Variants in AFDN observed in about 807,000 individuals in gnomAD.
AFDN encodes afadin.
A neutral mutation model predicts 216.6 loss-of-function variants in AFDN; 68 were observed. The ratio of observed to expected loss-of-function variants is 0.31; its 90% CI spans 0.26 to 0.38. AFDN has a LOEUF of 0.38. AFDN is among the 10% of genes least tolerant of loss of function. The pLI is 1.00. For synonymous variants in AFDN, 868 were observed against 853.7 expected, an observed-to-expected ratio of 1.02 and a Z score of -0.29; for missense variants, 2,136 against 2,342.0, an observed-to-expected ratio of 0.91 and a Z score of 1.82.
intron 4 of AFDN, among the ~76,000 whole-genome samples, chr6:167,874,389 G>A (rs1785113159): frequency 6.6e-6 from 1 of 152,008 alleles, no homozygotes; most frequent in Non-Finnish European, 1.5e-5. Context: ...ATGAAAAATT[G>A]TGTCTTTAAA....
intron 7 of AFDN, 72 bp from the exon 8 acceptor site, chr6:167,890,790 G>C (rs760488961): frequency 9.5e-6 from 14 of 1,468,976 alleles, no homozygotes; most frequent in Non-Finnish European, 1.3e-5. Flanking sequence ...GTTTTGCACA[G>C]TTGACTGCCA....
At chr6:167,960,300 A>G (rs966330255) in intron 30 of AFDN, among the ~76,000 whole-genome samples, 1 of 152,246 alleles carries the variant, frequency 6.6e-6, no homozygotes, top group South Asian at 2.1e-4. Flanking sequence ...GATGAGCTGA[A>G]CACAAGTGGA....
In AFDN at chr6:167,970,232, G is replaced by A. The variant is rs1797931799; in HGVS notation, c.*297G>A. ...TGGAGTCCTGAGTTCAAAGGGGACA[G>A]AACTAAGGGCAGGAGAAGAGAATGG... On this transcript the variant is annotated 3_prime_UTR_variant, in exon 34 of 34. Coordinates refer to ENST00000683244, the MANE Select transcript of AFDN (RefSeq NM_001386888.1). The A allele has an allele frequency of 2.9e-6, 1 of 339,738 alleles. No individual in the cohort carries two copies. Among genetic ancestry groups the A allele is most frequent in the Non-Finnish European group, 5.3e-6 (1 of 188,858 alleles). The allele number at this position is 339,738 out of a possible 1,614,324, so 21.0% of individuals were successfully genotyped here.
intron 1 of AFDN, among the ~76,000 whole-genome samples, chr6:167,858,005 G>A (rs945226332): frequency 1.3e-5 from 2 of 152,104 alleles, no homozygotes; most frequent in Non-Finnish European, 2.9e-5. Context: ...TTGTCATGAG[G>A]GTTTAAAATG....
chr6:167,842,511 C>T (rs1781185462), intron 1 of AFDN, among the ~76,000 whole-genome samples: 1 of 150,726 alleles, frequency 6.6e-6, no homozygotes, highest in Admixed American at 6.6e-5. Context: ...ACTGTGTATG[C>T]TTATTTAGAT....
chr6:167,870,523 C>T lies in AFDN; in HGVS notation c.414+25C>T, dbSNP rs113301512. 0.011 allele frequency: 15,901 copies of T among 1,472,910 alleles called. 1,386 individuals carry two copies. The African/African-American group carries it at 0.19, about 18-fold the overall frequency. The allele number at this position is 1,472,910 out of a possible 1,614,324, so 91.2% of individuals were successfully genotyped here. On this transcript the variant is annotated intron_variant, in intron 3 of 33. Coordinates refer to ENST00000683244, the MANE Select transcript of AFDN (RefSeq NM_001386888.1). Reference sequence around the variant, plus strand: ...GGTAGGAACCCTCAGTATTTTATGACGGTCTTGGTCCAGGGCCAGGTCTGA... The same window carrying T: ...GGTAGGAACCCTCAGTATTTTATGATGGTCTTGGTCCAGGGCCAGGTCTGA...
At chr6:167,914,546 A>G (rs1012690460) in intron 17 of AFDN, 98 bp from the exon 18 acceptor site, 21 of 974,346 alleles carry the variant, frequency 2.2e-5, no homozygotes, top group Non-Finnish European at 3.0e-5. Context: ...TTAATGGAAA[A>G]TATTTTTTAA....
At chr6:167,883,148 A>G (rs1334597616) in intron 6 of AFDN, among the ~76,000 whole-genome samples, 3 of 152,194 alleles carry the variant, frequency 2.0e-5, no homozygotes, top group Non-Finnish European at 2.9e-5. Context: ...AATAGAATCT[A>G]TCAAGAGAAG....
rs75661745 is a variant in AFDN at position 167,901,366 on chromosome 6, C to T, written c.1581-951C>T. 2.0e-3 allele frequency among the ~76,000 whole-genome samples: 309 copies of T among 152,228 alleles called. 7 individuals carry two copies. The East Asian group carries it at 0.048, about 24-fold the overall frequency. On this transcript the variant is annotated intron_variant, in intron 11 of 33. Transcript: ENST00000683244. ...CTGGGACCAGTGAGTTGCATTCACC[C>T]TTCATTTGTGCTGAAGAATGTAGTC...
At chr6:167,869,988 T>TC (rs202121067) in intron 2 of AFDN, among the ~76,000 whole-genome samples, 3,016 of 152,270 alleles carry the variant, frequency 0.02, 54 homozygotes, top group Non-Finnish European at 0.033. Flanking sequence ...ATGAGAACAA[T>TC]CTCATAGAAT....
At chr6:167,953,068 TATTA>T (rs1796168841) in intron 30 of AFDN, among the ~76,000 whole-genome samples, 1 of 152,232 alleles carries the variant, frequency 6.6e-6, no homozygotes, top group Non-Finnish European at 1.5e-5. Context: ...CATTTATTAA[TATTA>T]ATTTATAGAG....
At chr6:167,947,300 T>C (rs1005163320) in intron 27 of AFDN, among the ~76,000 whole-genome samples, 10 of 152,170 alleles carry the variant, frequency 6.6e-5, no homozygotes, top group East Asian at 3.9e-4. Flanking sequence ...CTGCCTTAGC[T>C]TCCCGAGTGG....
intron 1 of AFDN, among the ~76,000 whole-genome samples, chr6:167,836,951 T>C (rs1179538422): frequency 6.6e-6 from 1 of 152,248 alleles, no homozygotes; most frequent in Non-Finnish European, 1.5e-5. Flanking sequence ...TTAATGTTTA[T>C]GACCTCGAAT....
intron 12 of AFDN, among the ~76,000 whole-genome samples, chr6:167,902,919 A>G (rs1789171772): frequency 6.6e-6 from 1 of 152,246 alleles, no homozygotes; most frequent in South Asian, 2.1e-4. Context: ...GATACATAAA[A>G]GAAAGTTACC....
intron 23 of AFDN, among the ~76,000 whole-genome samples, chr6:167,936,940 G>A (rs371258630): frequency 6.6e-6 from 1 of 152,192 alleles, no homozygotes; most frequent in South Asian, 2.1e-4. Context: ...GTTTTGCTAA[G>A]ATAATTACCA....
chr6:167,869,545 T>G (rs761091322), intron 2 of AFDN, among the ~76,000 whole-genome samples: 1 of 152,168 alleles, frequency 6.6e-6, no homozygotes, highest in African/African-American at 2.4e-5. Context: ...GAGTTGTGTG[T>G]GGGGCTTGCA....
rs143696769 is a variant in AFDN, at chr6:167,927,597, G to T, written c.3099+2506G>T. 1.5e-3 allele frequency among the ~76,000 whole-genome samples: 228 copies of T among 152,286 alleles called. 1 individual carries two copies. The highest frequency in any genetic ancestry group is 5.2e-3 in the African/African-American group (215 of 41,550). On this transcript the variant is annotated intron_variant, in intron 23 of 33. Transcript: ENST00000683244. The stretch of plus-strand genomic sequence containing the variant: ...AAGGTGGGCATCTGTTCAGGAGTTC[G>T]TCAGAGGAACCTGAACCCTTTTAGC...
At chr6:167,846,259 T>C (rs1384105202) in intron 1 of AFDN, among the ~76,000 whole-genome samples, 1 of 152,070 alleles carries the variant, frequency 6.6e-6, no homozygotes, top group African/African-American at 2.4e-5. Flanking sequence ...GTGACTGGAC[T>C]GCGTGGTATC....
chr6:167,894,813 T>C (rs1788030862), intron 9 of AFDN, among the ~76,000 whole-genome samples: 1 of 152,234 alleles, frequency 6.6e-6, no homozygotes, highest in South Asian at 2.1e-4. Flanking sequence ...GATAGCTCTT[T>C]ATTGTCTCAT....
Sources: gnomAD v4.1 joint callset for allele counts (sites outside exome capture counted in the v4.1 genomes callset) on GRCh38, gnomAD v4.1.1 for gene constraint, MANE v1.5 for transcripts, NCBI Gene and HGNC (gene_info 2026-07-23, HGNC 2026-07-21) for gene names.